ZNF605: variants seen among roughly 807,000 people sequenced by gnomAD.
ZNF605 encodes zinc finger protein 605.
A neutral mutation model predicts 7.9 loss-of-function variants in ZNF605; 9 were observed. The observed-to-expected ratio is 1.14, with a 90% CI of 0.68 to 1.98. ZNF605 has a LOEUF of 1.98. Among genes scored for constraint, ZNF605 ranks in the 30% most tolerant of loss-of-function variants. ZNF605 has a pLI of 0.00. For synonymous variants in ZNF605, 255 were observed against 260.1 expected (o/e 0.98, Z 0.19); for missense variants, 673 against 762.4 (o/e 0.88, Z 1.38).
chr12:132,955,679 C>T (rs1952629478), intron 1 of ZNF605, among the ~76,000 whole-genome samples: 1 of 152,090 alleles, frequency 6.6e-6, no homozygotes, highest in South Asian at 2.1e-4. Context: ...GTGAATGGAA[C>T]CCACACAAGC....
chr12:132,932,682 A>G, intron 4 of ZNF605: 1 of 1,384,854 alleles, frequency 7.2e-7, no homozygotes, highest in Non-Finnish European at 9.8e-7. Flanking sequence ...TAAAATGTTC[A>G]CTGTATCTCA....
intron 3 of ZNF605, among the ~76,000 whole-genome samples, chr12:132,939,180 C>T (rs1195791613): frequency 6.6e-5 from 10 of 152,120 alleles, no homozygotes; most frequent in East Asian, 1.9e-4. Flanking sequence ...CCTGCAGCCC[C>T]GGTGCGGGAT....
chr12:132,928,617 T>C (rs1159460722), intron 4 of ZNF605, among the ~76,000 whole-genome samples: 1 of 152,196 alleles, frequency 6.6e-6, no homozygotes, highest in East Asian at 1.9e-4. Context: ...TTTTAAAGGT[T>C]TATTTACTTG....
In ZNF605 at chr12:132,934,860, G is replaced by A. The variant is rs74628611; in HGVS notation, c.16-1705C>T. On this transcript the variant is annotated intron_variant, in intron 3 of 4. Transcript: ENST00000360187. ...ATTTACAGAATATAGAGACAAAACG[G>A]GGATAAAAACACTGGATTTAACAAC... 4.8e-3 allele frequency among the ~76,000 whole-genome samples: 723 copies of A among 152,186 alleles called. 5 individuals carry two copies. The highest frequency in any genetic ancestry group is 0.017 in the African/African-American group (694 of 41,528).
chr12:132,931,177 C>A lies in ZNF605; in HGVS notation c.136+1858G>T, dbSNP rs778797574. Among the ~76,000 whole-genome samples, 776 of 152,178 alleles carry A rather than the reference C, an allele frequency of 5.1e-3. 4 individuals are homozygous for A. The highest frequency in any genetic ancestry group is 7.0e-3 in the Non-Finnish European group (475 of 68,004). The stretch of plus-strand genomic sequence containing the variant: ...CCTGCGTGACAAAGTGAGACCTTGT[C>A]TCAAAAAAATTTTTTAAATAAATAT... On this transcript the variant is annotated intron_variant, in intron 4 of 4. Coordinates refer to ENST00000360187, the MANE Select transcript of ZNF605 (RefSeq NM_183238.4).
intron 1 of ZNF605, among the ~76,000 whole-genome samples, chr12:132,951,637 T>TAC (rs56937481): frequency 6.6e-6 from 1 of 150,756 alleles, no homozygotes; most frequent in Non-Finnish European, 1.5e-5. Flanking sequence ...CACGTACAGA[T>TAC]ACACTGATGC....
intron 1 of ZNF605, among the ~76,000 whole-genome samples, chr12:132,949,187 A>G (rs1383077831): frequency 6.6e-6 from 1 of 152,128 alleles, no homozygotes; most frequent in Non-Finnish European, 1.5e-5. Context: ...GTTCAAGGAG[A>G]AGGACACTCC....
At chr12:132,955,090 T>G (rs1237100607) in intron 1 of ZNF605, among the ~76,000 whole-genome samples, 3 of 151,380 alleles carry the variant, frequency 2.0e-5, no homozygotes, top group Admixed American at 6.6e-5. Flanking sequence ...TTCCAAAGGG[T>G]TATTGGAAGT....
chr12:132,939,704 C>T (rs1352183851), intron 3 of ZNF605, among the ~76,000 whole-genome samples: 1 of 152,224 alleles, frequency 6.6e-6, no homozygotes, highest in Non-Finnish European at 1.5e-5. Flanking sequence ...CCAGCAGTGG[C>T]AACCCGCTCG....
chr12:132,932,297 T>C (rs1952316062), intron 4 of ZNF605, among the ~76,000 whole-genome samples: 1 of 152,090 alleles, frequency 6.6e-6, no homozygotes, highest in African/African-American at 2.4e-5. Context: ...CTACTCTCTG[T>C]GGTTTTAAAA....
chr12:132,953,375 C>T (rs1312211312), intron 1 of ZNF605, among the ~76,000 whole-genome samples: 1 of 152,184 alleles, frequency 6.6e-6, no homozygotes, highest in Non-Finnish European at 1.5e-5. Flanking sequence ...ACCACAGACT[C>T]CACAGACTGG....
chr12:132,920,392 G>T lies in ZNF605; in HGVS notation c.*4981C>A, dbSNP rs1038233486. The T allele has an allele frequency of 1.3e-5, 2 of 152,102 alleles. No homozygotes were observed. The highest frequency in any genetic ancestry group is 1.9e-4 in the East Asian group (1 of 5,176). The allele number at this position is 152,102 out of a possible 1,614,324, so 9.4% of individuals were successfully genotyped here. A position where few individuals can be genotyped will look rare whatever the true frequency, so the allele number is the denominator to read the frequency against. ...CTGACCTCGTGATCCACCCGCCTTG[G>T]CCTCCCAAAGTGCTGGGATTACAGG... is the stretch of plus-strand genomic sequence containing the variant. On this transcript the variant is annotated 3_prime_UTR_variant, in exon 5 of 5. Coordinates refer to ENST00000360187, the MANE Select transcript of ZNF605 (RefSeq NM_183238.4).
intron 1 of ZNF605, among the ~76,000 whole-genome samples, chr12:132,952,819 G>A (rs1172266109): frequency 1.3e-5 from 2 of 151,924 alleles, no homozygotes; most frequent in East Asian, 1.9e-4. Context: ...ACAAGGAGAG[G>A]GCCAAAGGGC....
In ZNF605 at chr12:132,945,212, C is replaced by A. The variant is rs1217962324; in HGVS notation, c.15+409G>T. 6.7e-6 allele frequency: 4 copies of A among 593,070 alleles called. No individual in the cohort carries two copies. In the African/African-American group the frequency reaches 7.4e-5, roughly 11 times the overall value. The allele number at this position is 593,070 out of a possible 1,614,324, so 36.7% of individuals were successfully genotyped here. On this transcript the variant is annotated intron_variant, in intron 3 of 4. Coordinates refer to ENST00000360187, the MANE Select transcript of ZNF605 (RefSeq NM_183238.4). ...CTCCTGACCTCAAATGATCTGCCCT[C>A]CTCGGCCTCCCAAAGGGCTGGGATT...
intron 1 of ZNF605, chr12:132,948,679 G>C (rs1410388318): frequency 5.9e-5 from 9 of 152,282 alleles, no homozygotes; most frequent in African/African-American, 1.9e-4. Context: ...CCTCAAATGA[G>C]GGAGGAAAGT....
intron 2 of ZNF605, among the ~76,000 whole-genome samples, chr12:132,946,790 C>G (rs1952498166): frequency 1.1e-4 from 17 of 152,194 alleles, no homozygotes; most frequent in Non-Finnish European, 1.5e-5. Context: ...GTCCTGGGCC[C>G]CTGAGCGCCC....
chr12:132,947,615 G>A lies in ZNF605; in HGVS notation c.-163+533C>T, dbSNP rs1338991367. Among the ~76,000 whole-genome samples the A allele has an allele frequency of 5.9e-5, 9 of 152,102 alleles. 1 individual carries two copies. The highest frequency in any genetic ancestry group is 4.2e-4 in the South Asian group (2 of 4,816). On this transcript the variant is annotated intron_variant, in intron 2 of 4. Transcript: ENST00000360187. ...GGTGTGAGCCATTGTGTCTGGCCTC[G>A]TTTAATTTTTATTCAATAATAAAAT...
In ZNF605 at chr12:132,925,790, C is replaced by T. The variant is rs551099613; in HGVS notation, c.1509G>A (p.Lys503=). 10 of 1,614,128 alleles carry T rather than the reference C, an allele frequency of 6.2e-6. No homozygotes were observed. The highest frequency in any genetic ancestry group is 8.5e-6 in the Non-Finnish European group (10 of 1,180,016). Residue 503 remains lysine, a synonymous_variant, in exon 5 of 5, where the codon AAG becomes AAA. Transcript: ENST00000360187. ...IHHQRTHTGE[K]PFECSECRKA... ...TCCTACATTCACTACATTCAAAGGG[C>T]TTTTCTCCAGTATGGGTTCTCTGAT...
intron 3 of ZNF605, among the ~76,000 whole-genome samples, chr12:132,940,671 G>C (rs796268856): frequency 4.6e-5 from 7 of 152,304 alleles, no homozygotes; most frequent in African/African-American, 1.7e-4. Context: ...CTGGCCATTG[G>C]ATCAGGCCGC....
Sources: allele counts gnomAD v4.1 joint callset (sites outside exome capture counted in the v4.1 genomes callset), GRCh38; gene constraint gnomAD v4.1.1; transcripts MANE v1.5; gene names NCBI Gene and HGNC (gene_info 2026-07-23, HGNC 2026-07-21).